TDRD10: variants seen among roughly 807,000 people sequenced by gnomAD.
TDRD10 encodes tudor domain-containing protein 10.
In TDRD10, 40 loss-of-function variants were observed where a neutral mutation model predicts 48.0. The observed-to-expected ratio is 0.83, with a 90% confidence interval of 0.65 to 1.09. The LOEUF (loss-of-function observed/expected upper bound fraction) is 1.09, where lower values mean the gene tolerates loss of function less well. Among genes scored for constraint, TDRD10 ranks in the 50% least tolerant of loss-of-function variants. TDRD10 has a pLI of 0.00. For missense variants in TDRD10, 378 were observed against 434.7 expected, an observed-to-expected ratio of 0.87 and a Z score of 1.16; for synonymous variants, 162 against 170.4, an observed-to-expected ratio of 0.95 and a Z score of 0.38.
At chr1:154,513,188 G>A (rs1300654681) in intron 4 of TDRD10, among the ~76,000 whole-genome samples, 1 of 152,194 alleles carries the variant, frequency 6.6e-6, no homozygotes, top group African/African-American at 2.4e-5. Flanking sequence ...TACTACATTT[G>A]ATTAAAATTC....
intron 1 of TDRD10, among the ~76,000 whole-genome samples, chr1:154,504,592 C>T (rs1189191582): frequency 6.6e-6 from 1 of 152,150 alleles, no homozygotes. Flanking sequence ...GAAGTGTTAT[C>T]TTTGTGGTTT....
At position 154,546,437 on chromosome 1, in the gene TDRD10, TC is replaced by T; in HGVS notation, c.953-971del. On this transcript the variant is annotated intron_variant, in intron 11 of 12. Coordinates refer to ENST00000368482, the MANE Select transcript of TDRD10 (RefSeq NM_182499.4). ...ATATATTACGTATATATTATATATA[TC>T]ACGTAATATATATTATATATTATGT... 1.4e-5 allele frequency among the ~76,000 whole-genome samples: 2 copies of T among 146,628 alleles called. 1 individual carries two copies. The highest frequency in any genetic ancestry group is 4.2e-4 in the South Asian group (2 of 4,718).
At chr1:154,514,873 TA>T (rs1489504145) in intron 4 of TDRD10, among the ~76,000 whole-genome samples, 64 of 151,338 alleles carry the variant, frequency 4.2e-4, no homozygotes, top group African/African-American at 1.5e-3. Flanking sequence ...TTTATTTATT[TA>T]TTTTTTTTTT....
In TDRD10 at chr1:154,508,383, C is replaced by T. The variant is rs376212631; in HGVS notation, c.83-40C>T. ...TTCTGACTCCTCTGAATCCTCTAACCGTATGTATGCCTGCCATTTAATGCT... is the reference window on the plus strand; with the variant it reads ...TTCTGACTCCTCTGAATCCTCTAACTGTATGTATGCCTGCCATTTAATGCT... On this transcript the variant is annotated intron_variant, in intron 3 of 12. Transcript: ENST00000368482. The T allele has an allele frequency of 4.6e-5, 64 of 1,382,872 alleles. No homozygotes were observed. In the African/African-American group the frequency reaches 5.0e-4, roughly 11 times the overall value. 85.7% of individuals were successfully genotyped at this position (1,382,872 alleles called of 1,614,324 possible). A position where few individuals can be genotyped will look rare whatever the true frequency, so the allele number is the denominator to read the frequency against.
intron 6 of TDRD10, among the ~76,000 whole-genome samples, chr1:154,522,478 G>A (rs908326573): frequency 7.2e-5 from 11 of 152,146 alleles, no homozygotes; most frequent in African/African-American, 2.4e-4. Flanking sequence ...GGTGGAAGCC[G>A]AGAGATGGGT....
rs572709533 is a variant in TDRD10 at position 154,545,750 on chromosome 1, C to T, written c.952+801C>T. ...CTGCCGCGCTTAGCTGAGATGGAAA[C>T]GTTTTATAGACAAACTAAGTCTTTT... On this transcript the variant is annotated intron_variant, in intron 11 of 12. Transcript: ENST00000368482. Among the ~76,000 whole-genome samples, 231 of 148,816 alleles carry T rather than the reference C, an allele frequency of 1.6e-3. 1 individual carries two copies. The highest frequency in any genetic ancestry group is 5.0e-3 in the African/African-American group (202 of 40,562).
At position 154,509,095 on chromosome 1, in the gene TDRD10, C is replaced by CTTTTTTT. The variant is rs59771172; in HGVS notation, c.141+625_141+631dup. Among the ~76,000 whole-genome samples the CTTTTTTT allele has an allele frequency of 3.1e-5, 4 of 127,228 alleles. 1 individual carries two copies. The highest frequency in any genetic ancestry group is 8.8e-5 in the African/African-American group (3 of 34,152). The allele number at this position is 127,228 out of a possible 152,430, so 83.5% of individuals were successfully genotyped here. A position where few individuals can be genotyped will look rare whatever the true frequency, so the allele number is the denominator to read the frequency against. The stretch of plus-strand genomic sequence containing the variant: ...TCTATTGAATTGAAGCACCTCCTGA[C>CTTTTTTT]TTTTTTTTTTTTTTTTTGGCATCTA... On this transcript the variant is annotated intron_variant, in intron 4 of 12. Transcript: ENST00000368482.
chr1:154,536,761 T>TG (rs1283236798), intron 6 of TDRD10, among the ~76,000 whole-genome samples: 1 of 152,242 alleles, frequency 6.6e-6, no homozygotes, highest in Non-Finnish European at 1.5e-5. Flanking sequence ...CATCAGGCTG[T>TG]GCGTGCTTCT....
At chr1:154,515,668 C>T (rs924465129) in intron 4 of TDRD10, among the ~76,000 whole-genome samples, 2 of 152,196 alleles carry the variant, frequency 1.3e-5, no homozygotes, top group Non-Finnish European at 2.9e-5. Context: ...TGCTCTGTGT[C>T]TCCTTAATAC....
chr1:154,539,888 A>G (rs977977258), intron 6 of TDRD10, among the ~76,000 whole-genome samples: 32 of 152,202 alleles, frequency 2.1e-4, no homozygotes, highest in African/African-American at 7.5e-4. Context: ...GGGGCCCCCA[A>G]TGCCAGCTCA....
chr1:154,508,699 T>C (rs892926113), intron 4 of TDRD10, among the ~76,000 whole-genome samples: 16 of 152,346 alleles, frequency 1.1e-4, no homozygotes, highest in Admixed American at 9.8e-4. Flanking sequence ...CCTGGACAGT[T>C]AGTCCCACTC....
intron 6 of TDRD10, among the ~76,000 whole-genome samples, chr1:154,532,539 T>A (rs1570955782): frequency 6.6e-6 from 1 of 152,096 alleles, no homozygotes; most frequent in Admixed American, 6.5e-5. Flanking sequence ...AGCGGCGGGC[T>A]GAAGGGCTCC....
At chr1:154,512,601 C>T (rs2149317034) in intron 4 of TDRD10, among the ~76,000 whole-genome samples, 1 of 152,282 alleles carries the variant, frequency 6.6e-6, no homozygotes, top group Middle Eastern at 3.4e-3. Flanking sequence ...GCCTCAGCCT[C>T]CCAAAGTGCG....
chr1:154,514,237 A>G (rs928828626), intron 4 of TDRD10, among the ~76,000 whole-genome samples: 21 of 152,302 alleles, frequency 1.4e-4, no homozygotes, highest in Admixed American at 1.2e-3. Context: ...ACGAAATACA[A>G]TGATAGCCTT....
intron 6 of TDRD10, among the ~76,000 whole-genome samples, chr1:154,528,976 T>C (rs987367686): frequency 2.6e-5 from 4 of 152,236 alleles, no homozygotes; most frequent in African/African-American, 9.6e-5. Context: ...TCAGTTTGAG[T>C]ACATCTATTT....
intron 6 of TDRD10, among the ~76,000 whole-genome samples, chr1:154,533,897 T>A (rs892024539): frequency 1.8e-4 from 15 of 84,142 alleles, no homozygotes; most frequent in African/African-American, 4.1e-4. Context: ...ATATATATTT[T>A]TTTTTAATTT....
At chr1:154,540,171 G>GT (rs1220973067) in intron 6 of TDRD10, among the ~76,000 whole-genome samples, 2 of 152,216 alleles carry the variant, frequency 1.3e-5, no homozygotes, top group Non-Finnish European at 2.9e-5. Context: ...TGATTGGATT[G>GT]TGGGGGCAGG....
intron 4 of TDRD10, among the ~76,000 whole-genome samples, chr1:154,514,954 G>A (rs1035774513): frequency 6.6e-6 from 1 of 151,918 alleles, no homozygotes; most frequent in African/African-American, 2.4e-5. Flanking sequence ...TGCAGCCTCC[G>A]CCTCTTGGGT....
chr1:154,539,330 C>G (rs1184079141), intron 6 of TDRD10, among the ~76,000 whole-genome samples: 1 of 151,960 alleles, frequency 6.6e-6, no homozygotes, highest in African/African-American at 2.4e-5. Context: ...TAAACAGAGT[C>G]TCACTTTGTC....
Sources: allele counts gnomAD v4.1 joint callset (sites outside exome capture counted in the v4.1 genomes callset), GRCh38; gene constraint gnomAD v4.1.1; transcripts MANE v1.5; gene names NCBI Gene and HGNC (gene_info 2026-07-23, HGNC 2026-07-21).